Variants in ATRNL1 observed in about 807,000 individuals in gnomAD.
ATRNL1 encodes the protein attractin-like protein 1.
In ATRNL1, 95 loss-of-function variants were observed where a neutral mutation model predicts 182.7. The observed-to-expected ratio is 0.52, with a 90% confidence interval of 0.44 to 0.62. ATRNL1 has a LOEUF of 0.62. Among genes scored for constraint, ATRNL1 ranks in the 20% least tolerant of loss-of-function variants. The probability of loss-of-function intolerance (pLI) is 0.00; values close to 1 mark genes in which losing one functional copy is unlikely to be tolerated. For missense variants in ATRNL1, 1,471 were observed against 1,679.5 expected, an observed-to-expected ratio of 0.88 and a Z score of 2.17; for synonymous variants, 576 against 568.3, an observed-to-expected ratio of 1.01 and a Z score of -0.19.
At chr10:115,479,532 T>A (rs2134605983) in intron 24 of ATRNL1, among the ~76,000 whole-genome samples, 1 of 151,606 alleles carries the variant, frequency 6.6e-6, no homozygotes, top group East Asian at 1.9e-4. Flanking sequence ...GGGTGTTTTA[T>A]GTTTTAGGTT....
intron 26 of ATRNL1, among the ~76,000 whole-genome samples, chr10:115,650,003 G>A (rs1555033890): frequency 6.6e-6 from 1 of 152,080 alleles, no homozygotes; most frequent in Non-Finnish European, 1.5e-5. Flanking sequence ...CAATAGACCT[G>A]AATTATCTAT....
intron 21 of ATRNL1, among the ~76,000 whole-genome samples, chr10:115,431,656 GT>G (rs1489120780): frequency 6.6e-6 from 1 of 152,000 alleles, no homozygotes; most frequent in Admixed American, 6.6e-5. Flanking sequence ...AAAAATGACA[GT>G]TTTTGTCACT....
chr10:115,448,431 A>C (rs529075705), intron 21 of ATRNL1, among the ~76,000 whole-genome samples: 2 of 152,316 alleles, frequency 1.3e-5, no homozygotes, highest in East Asian at 3.9e-4. Flanking sequence ...CTTTTGGATA[A>C]ATAATGAAAT....
chr10:115,199,053 G>A (rs1395847626), intron 8 of ATRNL1, among the ~76,000 whole-genome samples: 2 of 152,052 alleles, frequency 1.3e-5, no homozygotes, highest in South Asian at 2.1e-4. Context: ...GTCATTGAGA[G>A]TGTGGTAGGG....
intron 8 of ATRNL1, among the ~76,000 whole-genome samples, chr10:115,175,047 T>C (rs1847446709): frequency 1.3e-5 from 2 of 151,976 alleles, no homozygotes; most frequent in South Asian, 4.1e-4. Flanking sequence ...GGATGTACAC[T>C]TTCAATGATC....
intron 5 of ATRNL1, among the ~76,000 whole-genome samples, chr10:115,153,040 A>T (rs1181415724): frequency 6.6e-6 from 1 of 152,088 alleles, no homozygotes. Context: ...CATATGTTGA[A>T]CTAGCCTTGC....
chr10:115,126,464 G>T (rs1291473684), intron 3 of ATRNL1, among the ~76,000 whole-genome samples: 2 of 152,084 alleles, frequency 1.3e-5, no homozygotes, highest in African/African-American at 4.8e-5. Flanking sequence ...TTATTACAAT[G>T]AACAATATGT....
At chr10:115,688,050 A>T (rs1025853685) in intron 26 of ATRNL1, among the ~76,000 whole-genome samples, 3 of 152,072 alleles carry the variant, frequency 2.0e-5, no homozygotes, top group African/African-American at 4.8e-5. Flanking sequence ...ATCTTCTATA[A>T]GTGAGAACAT....
chr10:115,935,595 ACC>A (rs1555122674), intron 28 of ATRNL1, among the ~76,000 whole-genome samples: 1 of 152,100 alleles, frequency 6.6e-6, no homozygotes, highest in African/African-American at 2.4e-5. Context: ...CACCACTGTC[ACC>A]AGCTGTGTGG....
At chr10:115,242,354 T>A (rs1307789442) in intron 10 of ATRNL1, among the ~76,000 whole-genome samples, 1 of 151,960 alleles carries the variant, frequency 6.6e-6, no homozygotes, top group Non-Finnish European at 1.5e-5. Context: ...TCCTATCAAT[T>A]TCTGAATATT....
At chr10:115,507,823 A>C (rs180914366) in intron 24 of ATRNL1, among the ~76,000 whole-genome samples, 1 of 152,020 alleles carries the variant, frequency 6.6e-6, no homozygotes, top group South Asian at 2.1e-4. Context: ...ACTGGTAGGC[A>C]ATGATTCTAG....
chr10:115,456,378 A>G (rs1372647199), intron 21 of ATRNL1, among the ~76,000 whole-genome samples: 2 of 152,156 alleles, frequency 1.3e-5, no homozygotes, highest in African/African-American at 2.4e-5. Flanking sequence ...GCAAACTAAC[A>G]CAAGAACAGA....
chr10:115,500,514 T>G (rs1554979858), intron 24 of ATRNL1, among the ~76,000 whole-genome samples: 1 of 152,182 alleles, frequency 6.6e-6, no homozygotes, highest in Non-Finnish European at 1.5e-5. Context: ...TTTATTATAC[T>G]TGACCTCATT....
At chr10:115,675,482 T>G (rs1239749581) in intron 26 of ATRNL1, among the ~76,000 whole-genome samples, 1 of 152,116 alleles carries the variant, frequency 6.6e-6, no homozygotes, top group Non-Finnish European at 1.5e-5. Flanking sequence ...TTTATCTGCT[T>G]AAGCCAAACA....
chr10:115,776,979 A>AT (rs1204725016), intron 27 of ATRNL1, among the ~76,000 whole-genome samples: 1 of 152,160 alleles, frequency 6.6e-6, no homozygotes, highest in Non-Finnish European at 1.5e-5. Context: ...AAGCATAAAC[A>AT]TTAATTGTAA....
In ATRNL1 at chr10:115,903,770, T is replaced by C. The variant is rs1952421630; in HGVS notation, c.4019-40888T>C. ...ATTTTCCTCCATACTTCCTATGTTG[T>C]GAAGTGGTTTGCAAAATGTATCCAG... is the stretch of plus-strand genomic sequence containing the variant. On this transcript the variant is annotated intron_variant, in intron 28 of 28. Transcript: ENST00000355044. 1.3e-5 allele frequency among the ~76,000 whole-genome samples: 2 copies of C among 151,354 alleles called. 1 individual carries two copies. Among genetic ancestry groups the C allele is most frequent in the Admixed American group, 1.3e-4 (2 of 15,068 alleles).
intron 7 of ATRNL1, among the ~76,000 whole-genome samples, chr10:115,165,954 A>G (rs1554884285): frequency 2.6e-5 from 4 of 152,158 alleles, no homozygotes; most frequent in Non-Finnish European, 5.9e-5. Flanking sequence ...ATTTTTAAGT[A>G]TAGAGTTCAG....
At chr10:115,121,909 T>C in intron 3 of ATRNL1, 97 bp downstream of exon 3, 1 of 530,750 alleles carries the variant, frequency 1.9e-6, no homozygotes, top group Non-Finnish European at 3.3e-6. Context: ...TTAGTAAAGA[T>C]ATTGATAGTT....
At chr10:115,262,723 G>A (rs1057493796) in intron 10 of ATRNL1, among the ~76,000 whole-genome samples, 1 of 151,954 alleles carries the variant, frequency 6.6e-6, no homozygotes, top group Non-Finnish European at 1.5e-5. Flanking sequence ...AGAAAAATGT[G>A]CAAGTCTTAA....
Sources: allele counts gnomAD v4.1 joint callset (sites outside exome capture counted in the v4.1 genomes callset), GRCh38; gene constraint gnomAD v4.1.1; transcripts MANE v1.5; gene names NCBI Gene and HGNC (gene_info 2026-07-23, HGNC 2026-07-21).